The following CDH18 variants were observed in gnomAD, a reference collection of about 807,000 sequenced individuals.
The protein encoded by CDH18 is cadherin-18.
Under a neutral mutation model 67.9 loss-of-function variants are expected in CDH18, and 31 were observed. The ratio of observed to expected loss-of-function variants is 0.46; its 90% CI spans 0.34 to 0.62. CDH18 has a LOEUF of 0.62. Among genes scored for constraint, CDH18 ranks in the 20% least tolerant of loss-of-function variants. The pLI is 0.01. For missense variants in CDH18, 890 were observed against 975.5 expected, an observed-to-expected ratio of 0.91 and a Z score of 1.17; for synonymous variants, 362 against 347.2, an observed-to-expected ratio of 1.04 and a Z score of -0.48.
chr5:19,491,786 G>A (rs1015233016), intron 11 of CDH18, among the ~76,000 whole-genome samples: 2 of 150,092 alleles, frequency 1.3e-5, no homozygotes, highest in African/African-American at 4.9e-5. Context: ...TCATTTTTAG[G>A]AGAATGAATG....
intron 2 of CDH18, among the ~76,000 whole-genome samples, chr5:19,994,224 C>T (rs1459032889): frequency 2.1e-5 from 3 of 146,222 alleles, no homozygotes; most frequent in Non-Finnish European, 4.5e-5. Flanking sequence ...TGTATATGTG[C>T]ATACATGTAT....
chr5:19,973,249 T>A (rs935261668), intron 2 of CDH18, among the ~76,000 whole-genome samples: 1 of 152,098 alleles, frequency 6.6e-6, no homozygotes, highest in Admixed American at 6.6e-5. Context: ...AAATGCCACA[T>A]ATAATGTTAG....
intron 2 of CDH18, among the ~76,000 whole-genome samples, chr5:19,972,216 C>T (rs1312010328): frequency 1.3e-5 from 2 of 152,020 alleles, no homozygotes; most frequent in Non-Finnish European, 2.9e-5. Context: ...ATATTATCCT[C>T]ACAAGTTGCA....
At chr5:20,214,372 CT>C (rs1251792893) in intron 2 of CDH18, among the ~76,000 whole-genome samples, 14 of 151,948 alleles carry the variant, frequency 9.2e-5, no homozygotes, top group African/African-American at 3.4e-4. Flanking sequence ...AAAATTGCCC[CT>C]AATACCAAGG....
At chr5:19,988,918 G>A (rs1182523333), upstream of CDH18, among the ~76,000 whole-genome samples, 2 of 152,114 alleles carry the variant, frequency 1.3e-5, no homozygotes, top group African/African-American at 2.4e-5. Flanking sequence ...TATTTGTGAA[G>A]ACGAATAGAA....
intron 11 of CDH18, among the ~76,000 whole-genome samples, chr5:19,497,556 T>C (rs410566): frequency 0.2 from 30,583 of 152,144 alleles, 3,378 homozygotes; most frequent in African/African-American, 0.27. Flanking sequence ...TTAGAACATA[T>C]GTCAGGAAAG....
chr5:20,307,786 A>G (rs1355600621), intron 1 of CDH18, among the ~76,000 whole-genome samples: 1 of 152,180 alleles, frequency 6.6e-6, no homozygotes, highest in Admixed American at 6.5e-5. Context: ...TCTTCCTAAT[A>G]TGTCTCTAAA....
rs78306282 is a variant in CDH18, at chr5:20,269,692, G to A, written c.-579-14187C>T. On this transcript the variant is annotated intron_variant, in intron 1 of 14. Transcript: ENST00000507958. ...GTGTATTCATATGTATGTAGAAAAC[G>A]AAATTATAGATATTGTAGACTTAGA... 4.4e-3 allele frequency among the ~76,000 whole-genome samples: 669 copies of A among 152,110 alleles called. 7 individuals are homozygous for A. The highest frequency in any genetic ancestry group is 0.015 in the African/African-American group (640 of 41,508).
Position 19,591,165 on chromosome 5 carries a change from A to G in CDH18, c.891T>C (p.Thr297=). Residue 297 remains threonine, a synonymous_variant, in exon 7 of 13, where the codon ACT becomes ACC. Transcript: ENST00000382275. ...AGTAGGTCATGTCAGCATTTGAGCC[A>G]GTGTCAGCATCATTTGCCTTGATTT... The part of the protein sequence containing the change: ...VGKIKANDAD[T]GSNADMTYSI... The G allele has an allele frequency of 6.2e-7, 1 of 1,612,670 alleles. No individual in the cohort carries two copies. The highest frequency in any genetic ancestry group is 8.5e-7 in the Non-Finnish European group (1 of 1,179,066).
At chr5:19,507,877 C>T (rs923282554) in intron 10 of CDH18, among the ~76,000 whole-genome samples, 1 of 151,926 alleles carries the variant, frequency 6.6e-6, no homozygotes, top group African/African-American at 2.4e-5. Context: ...GCACGTTGTG[C>T]ACATGTACCC....
intron 2 of CDH18, among the ~76,000 whole-genome samples, chr5:20,227,772 G>A (rs752842331): frequency 5.3e-5 from 8 of 151,984 alleles, no homozygotes; most frequent in Non-Finnish European, 1.2e-4. Flanking sequence ...ACAGGGATGA[G>A]CCACCATGCT....
At chr5:20,467,994 G>GAACT in intron 1 of CDH18, among the ~76,000 whole-genome samples, 1 of 110,410 alleles carries the variant, frequency 9.1e-6, no homozygotes, top group Non-Finnish European at 1.9e-5. Context: ...TTTTATTTAT[G>GAACT]TATTTATTTA....
rs565210345 is a variant in CDH18 at position 20,302,789 on chromosome 5, G to A, written c.-579-47284C>T. 2.9e-4 allele frequency among the ~76,000 whole-genome samples: 44 copies of A among 152,326 alleles called. 1 individual carries two copies. The highest frequency in any genetic ancestry group is 5.7e-4 in the Non-Finnish European group (39 of 68,036). ...GCCCTTGGGCACTGACCCTGAGCCT[G>A]TACACAAGATCAGCTGCTACTAGTC... is the stretch of plus-strand genomic sequence containing the variant. On this transcript the variant is annotated intron_variant, in intron 1 of 14. Coordinates refer to the CDH18 transcript ENST00000507958.
At chr5:20,122,810 G>GTATATATATATATA (rs138170795) in intron 2 of CDH18, among the ~76,000 whole-genome samples, 5 of 142,418 alleles carry the variant, frequency 3.5e-5, no homozygotes, top group African/African-American at 1.3e-4. Flanking sequence ...TGAATACAAA[G>GTATATATATATATA]TATATATATA....
At chr5:19,795,262 C>T (rs1776743860) in intron 3 of CDH18, among the ~76,000 whole-genome samples, 1 of 152,092 alleles carries the variant, frequency 6.6e-6, no homozygotes, top group South Asian at 2.1e-4. Flanking sequence ...AAAGAGTTGA[C>T]AACAGTTATC....
At position 19,722,511 on chromosome 5, in the gene CDH18, G is replaced by C. The variant is rs571546265; in HGVS notation, c.524-1045C>G. ...TAAAATTATTGAATCTAGTATGATCGTGTCTTTGTGCTTACTTTTTAAAAC... is the reference window on the plus strand; with the variant it reads ...TAAAATTATTGAATCTAGTATGATCCTGTCTTTGTGCTTACTTTTTAAAAC... On this transcript the variant is annotated intron_variant, in intron 4 of 12. Coordinates refer to ENST00000382275, the MANE Select transcript of CDH18 (RefSeq NM_004934.5). Among the ~76,000 whole-genome samples the C allele has an allele frequency of 4.7e-5, 7 of 148,278 alleles. No homozygotes were observed. In the East Asian group the frequency reaches 1.4e-3, roughly 29 times the overall value.
At chr5:20,228,814 C>T (rs536691781) in intron 2 of CDH18, among the ~76,000 whole-genome samples, 2 of 152,146 alleles carry the variant, frequency 1.3e-5, no homozygotes, top group South Asian at 4.1e-4. Flanking sequence ...ATATTTCTAT[C>T]AATGGATGAA....
At chr5:20,224,741 T>C (rs959532202) in intron 2 of CDH18, among the ~76,000 whole-genome samples, 2 of 152,144 alleles carry the variant, frequency 1.3e-5, no homozygotes, top group Admixed American at 6.6e-5. Context: ...AATTATGATA[T>C]AAAATAGTGC....
intron 4 of CDH18, among the ~76,000 whole-genome samples, chr5:19,739,978 T>G (rs1410955240): frequency 6.6e-6 from 1 of 151,890 alleles, no homozygotes; most frequent in Non-Finnish European, 1.5e-5. Context: ...CCTTAGAGAT[T>G]GGAGGTGAAA....
Sources: allele counts gnomAD v4.1 joint callset (sites outside exome capture counted in the v4.1 genomes callset), GRCh38; gene constraint gnomAD v4.1.1; transcripts MANE v1.5; gene names NCBI Gene and HGNC (gene_info 2026-07-23, HGNC 2026-07-21).